BCAS3: variants seen among roughly 807,000 people sequenced by gnomAD.
BCAS3 encodes the protein BCAS4/BCAS3 fusion.
BCAS3 carries 53 observed loss-of-function variants against 116.1 expected under a neutral mutation model. The ratio of observed to expected loss-of-function variants is 0.46; its 90% CI spans 0.37 to 0.57. The LOEUF (loss-of-function observed/expected upper bound fraction) is 0.57, where lower values mean the gene tolerates loss of function less well. Among genes scored for constraint, BCAS3 ranks in the 20% least tolerant of loss-of-function variants. The pLI, the probability that BCAS3 is intolerant of heterozygous loss-of-function variation, is 0.00. For synonymous variants in BCAS3, 391 were observed against 408.2 expected (o/e 0.96, Z 0.51); for missense variants, 917 against 1,165.4 (o/e 0.79, Z 3.10).
Position 60,707,545 on chromosome 17 carries a change from A to G in BCAS3, c.215-1674A>G, listed in dbSNP as rs548571264. On this transcript the variant is annotated intron_variant, in intron 4 of 23. Coordinates refer to ENST00000407086, the MANE Select transcript of BCAS3 (RefSeq NM_017679.5). ...TTTTTCTTTCCTAATTGCACTGTCTAGGGCCTCTAGTACAGTGTTGAATAT... is the reference window on the plus strand; with the variant it reads ...TTTTTCTTTCCTAATTGCACTGTCTGGGGCCTCTAGTACAGTGTTGAATAT... 4.6e-4 allele frequency among the ~76,000 whole-genome samples: 70 copies of G among 152,290 alleles called. 1 individual carries two copies. Among genetic ancestry groups the G allele is most frequent in the Admixed American group, 4.4e-3 (67 of 15,282 alleles).
At position 61,008,066 on chromosome 17, in the gene BCAS3, A is replaced by G. The variant is rs2064844230; in HGVS notation, c.1487-7685A>G. On this transcript the variant is annotated intron_variant, in intron 15 of 23. Coordinates refer to ENST00000407086, the MANE Select transcript of BCAS3 (RefSeq NM_017679.5). This position sits in a 1 kb window ranked among gnomAD's most constrained non-coding sequence, Gnocchi z 4.6. ...GACACACACACACACACACACACAT[A>G]AAATTCATTTTCTTTTAGTGTGTGT... Among the ~76,000 whole-genome samples, 1 of 152,070 alleles carries G rather than the reference A, an allele frequency of 6.6e-6. No individual in the cohort carries two copies. The highest frequency in any genetic ancestry group is 1.5e-5 in the Non-Finnish European group (1 of 67,986).
At chr17:60,933,109 G>C (rs1654157780) in intron 13 of BCAS3, among the ~76,000 whole-genome samples, 1 of 151,986 alleles carries the variant, frequency 6.6e-6, no homozygotes. Context: ...AGGAGGCAGA[G>C]GTTGCTGAGA....
chr17:60,929,237 A>C (rs2059512822), intron 13 of BCAS3, among the ~76,000 whole-genome samples: 1 of 152,158 alleles, frequency 6.6e-6, no homozygotes, highest in African/African-American at 2.4e-5. Flanking sequence ...AGCCTGGCCA[A>C]CATACCAAGA....
chr17:61,331,300 A>T (rs1230794726), intron 22 of BCAS3, among the ~76,000 whole-genome samples: 1 of 152,008 alleles, frequency 6.6e-6, no homozygotes, highest in Non-Finnish European at 1.5e-5. Context: ...AGCATGTGAC[A>T]AGTGCTTTGC....
intron 14 of BCAS3, among the ~76,000 whole-genome samples, chr17:60,966,571 A>T (rs1263397104): frequency 6.6e-6 from 1 of 152,138 alleles, no homozygotes; most frequent in Non-Finnish European, 1.5e-5. Context: ...AAGAGACTAC[A>T]ACTTATCTTA....
intron 7 of BCAS3, among the ~76,000 whole-genome samples, chr17:60,825,860 T>C (rs1236343348): frequency 6.7e-6 from 1 of 148,998 alleles, no homozygotes; most frequent in Non-Finnish European, 1.5e-5. Context: ...GGATTCAGTT[T>C]TTTTTTTTTT....
At chr17:60,821,161 G>A (rs1031689528) in intron 7 of BCAS3, among the ~76,000 whole-genome samples, 9 of 152,074 alleles carry the variant, frequency 5.9e-5, no homozygotes, top group African/African-American at 2.2e-4. Flanking sequence ...TGGCCAGGAT[G>A]GTCTTGAACT....
chr17:61,292,780 T>G (rs923622895), intron 22 of BCAS3, among the ~76,000 whole-genome samples: 1 of 152,186 alleles, frequency 6.6e-6, no homozygotes, highest in Non-Finnish European at 1.5e-5. Context: ...ATAAACAGAT[T>G]GCCACAACCT....
intron 22 of BCAS3, among the ~76,000 whole-genome samples, chr17:61,206,625 C>A (rs980008923): frequency 2.6e-5 from 4 of 151,624 alleles, no homozygotes; most frequent in East Asian, 1.9e-4. Flanking sequence ...CGTGGTGAAA[C>A]CCCCGTCTCT....
At chr17:60,829,254 G>C (rs973910884) in intron 7 of BCAS3, among the ~76,000 whole-genome samples, 6 of 152,080 alleles carry the variant, frequency 3.9e-5, no homozygotes, top group Admixed American at 3.9e-4. Flanking sequence ...CAGCACTTTG[G>C]GAGGCTGAGG....
At chr17:61,290,344 T>C (rs1205844749) in intron 22 of BCAS3, among the ~76,000 whole-genome samples, 5 of 152,296 alleles carry the variant, frequency 3.3e-5, no homozygotes, top group African/African-American at 1.2e-4. Context: ...AAAACGTAAG[T>C]TAAAAATTAT....
chr17:61,314,346 A>C (rs1414281494), intron 22 of BCAS3, among the ~76,000 whole-genome samples: 2 of 152,206 alleles, frequency 1.3e-5, no homozygotes, highest in Non-Finnish European at 2.9e-5. Flanking sequence ...CAGGGAGTGT[A>C]AACAGTGCCC....
At chr17:60,743,271 T>C (rs2041749099) in intron 5 of BCAS3, among the ~76,000 whole-genome samples, 1 of 152,134 alleles carries the variant, frequency 6.6e-6, no homozygotes, top group African/African-American at 2.4e-5. Flanking sequence ...TGGGAACCCA[T>C]TTACATTAAG....
chr17:61,191,528 T>G lies in BCAS3; in HGVS notation c.2425+106964T>G, dbSNP rs1325972948. Among the ~76,000 whole-genome samples the G allele has an allele frequency of 2.0e-5, 3 of 151,846 alleles. No individual in the cohort carries two copies. The East Asian group carries it at 5.8e-4, about 29-fold the overall frequency. On this transcript the variant is annotated intron_variant, in intron 22 of 23. Coordinates refer to ENST00000407086, the MANE Select transcript of BCAS3 (RefSeq NM_017679.5). ...CGGTGGCTCACGCCTGTAATCCCAG[T>G]GCTTTGGGAGTCCGAGGCGGGCGGA...
At chr17:61,091,112 C>T (rs1423713767) in intron 22 of BCAS3, among the ~76,000 whole-genome samples, 1 of 152,218 alleles carries the variant, frequency 6.6e-6, no homozygotes, top group African/African-American at 2.4e-5. Context: ...AAAGTGTCTT[C>T]TGATGACACA....
At chr17:61,221,349 G>T (rs2082100838) in intron 22 of BCAS3, among the ~76,000 whole-genome samples, 1 of 152,068 alleles carries the variant, frequency 6.6e-6, no homozygotes, top group Non-Finnish European at 1.5e-5. Context: ...CCACAGTGTT[G>T]CAGGCTGCCT....
At chr17:61,160,654 A>T (rs1174138172) in intron 22 of BCAS3, among the ~76,000 whole-genome samples, 2 of 152,182 alleles carry the variant, frequency 1.3e-5, no homozygotes, top group Non-Finnish European at 2.9e-5. Flanking sequence ...CTGATGGTTT[A>T]CCAACTTTTT....
intron 5 of BCAS3, among the ~76,000 whole-genome samples, chr17:60,744,491 C>T (rs1323628838): frequency 6.6e-6 from 1 of 152,096 alleles, no homozygotes; most frequent in Non-Finnish European, 1.5e-5. Flanking sequence ...CTGTATAAAC[C>T]TTAACTCTGT....
chr17:61,043,635 A>G (rs566080154), intron 19 of BCAS3, among the ~76,000 whole-genome samples: 2 of 152,002 alleles, frequency 1.3e-5, no homozygotes, highest in South Asian at 2.1e-4. Context: ...GCATGGCTAC[A>G]TTGTGTCCCA....
Sources: allele counts gnomAD v4.1 joint callset (sites outside exome capture counted in the v4.1 genomes callset), GRCh38; gene constraint gnomAD v4.1.1; non-coding constraint Gnocchi (gnomAD v3.1); transcripts MANE v1.5; gene names NCBI Gene and HGNC (gene_info 2026-07-23, HGNC 2026-07-21).